Variants in TRIM71 observed in about 807,000 individuals in gnomAD.
TRIM71 encodes the protein tripartite motif containing 71, also known as E3 ubiquitin-protein ligase TRIM71.
TRIM71 carries 9 observed loss-of-function variants against 61.2 expected under a neutral mutation model. That is an observed-to-expected ratio of 0.15 (90% confidence interval 0.09 to 0.26). The LOEUF (loss-of-function observed/expected upper bound fraction) is 0.26, where lower values mean the gene tolerates loss of function less well. Ranked by LOEUF, TRIM71 falls within the 10% of genes least tolerant of loss-of-function variation. The probability of loss-of-function intolerance (pLI) is 1.00; values close to 1 mark genes in which losing one functional copy is unlikely to be tolerated. For synonymous variants in TRIM71, 645 were observed against 553.2 expected, an observed-to-expected ratio of 1.17 and a Z score of -2.33; for missense variants, 998 against 1,238.7, an observed-to-expected ratio of 0.81 and a Z score of 2.92.
chr3:32,884,798 A>G (rs1286923650), intron 2 of TRIM71, among the ~76,000 whole-genome samples: 1 of 152,146 alleles, frequency 6.6e-6, no homozygotes, highest in Non-Finnish European at 1.5e-5. Context: ...CAATGGCTGA[A>G]CTTTTGTCCC....
chr3:32,872,844 A>G (rs1234425260), intron 1 of TRIM71, among the ~76,000 whole-genome samples: 1 of 152,202 alleles, frequency 6.6e-6, no homozygotes, highest in Non-Finnish European at 1.5e-5. Context: ...TGCCTGTTGC[A>G]TGTTAGCTAG....
chr3:32,820,004 C>T (rs1346684481), intron 1 of TRIM71, among the ~76,000 whole-genome samples: 1 of 152,226 alleles, frequency 6.6e-6, no homozygotes, highest in Admixed American at 6.5e-5. Flanking sequence ...ATGCGAGTGT[C>T]GTCTTCTCCC....
rs1290977138 is a variant in TRIM71, at chr3:32,891,527, C to T, written c.2323C>T (p.His775Tyr). 6.2e-7 allele frequency: 1 copy of T among 1,613,266 alleles called. No homozygotes were observed. The highest frequency in any genetic ancestry group is 8.5e-7 in the Non-Finnish European group (1 of 1,179,634). ...DFNNHRLLVI[H>Y]PDCQSARFLG... ...CAACAACCACCGGCTCCTGGTTATT[C>T]ACCCCGACTGCCAGTCGGCACGCTT... The change falls in exon 4 of 4, where the codon CAC becomes TAC. Residue 775 changes from histidine to tyrosine, a missense_variant. His to Tyr is a moderately conservative substitution (Grantham distance 83, BLOSUM62 2). Around this residue, in one of 5 missense-constraint regions of TRIM71, gnomAD observed 95 missense variants for 159.0 expected, o/e 0.60. Transcript: ENST00000383763. This position sits in a 1 kb window ranked among gnomAD's most constrained non-coding sequence, Gnocchi z 8.2.
chr3:32,857,739 C>G (rs1369166103), intron 1 of TRIM71, among the ~76,000 whole-genome samples: 1 of 152,100 alleles, frequency 6.6e-6, no homozygotes, highest in Non-Finnish European at 1.5e-5. Context: ...AGGAGGCCGA[C>G]GCAGGTGGAT....
intron 1 of TRIM71, among the ~76,000 whole-genome samples, chr3:32,865,465 G>T (rs1328799287): frequency 6.6e-6 from 1 of 152,158 alleles, no homozygotes. Flanking sequence ...TGTGTGGGTT[G>T]GGCGGCAGCA....
intron 1 of TRIM71, among the ~76,000 whole-genome samples, chr3:32,832,942 G>A (rs987855137): frequency 6.6e-6 from 1 of 151,966 alleles, no homozygotes; most frequent in Non-Finnish European, 1.5e-5. Flanking sequence ...GGATGCCGAG[G>A]CAGGTGGATC....
chr3:32,891,874 T>TC lies in TRIM71; in HGVS notation c.*63_*64insC. 34 of 1,363,396 alleles carry TC rather than the reference T, an allele frequency of 2.5e-5. No individual in the cohort carries two copies. Among genetic ancestry groups the TC allele is most frequent in the South Asian group, 4.2e-5 (3 of 70,844 alleles). The allele number at this position is 1,363,396 out of a possible 1,614,324, so 84.5% of individuals were successfully genotyped here. A position where few individuals can be genotyped will look rare whatever the true frequency, so the allele number is the denominator to read the frequency against. The stretch of plus-strand genomic sequence containing the variant: ...CGTGTCTCTCTCTCTCTCTCTCTCT[T>TC]TCTCTTTCTCTCTCTTTTTGAATTT... On this transcript the variant is annotated 3_prime_UTR_variant, in exon 4 of 4. Coordinates refer to ENST00000383763, the MANE Select transcript of TRIM71 (RefSeq NM_001039111.3). This position sits in a 1 kb window ranked among gnomAD's most constrained non-coding sequence, Gnocchi z 8.2.
At chr3:32,831,583 G>C (rs1182906390) in intron 1 of TRIM71, among the ~76,000 whole-genome samples, 1 of 142,608 alleles carries the variant, frequency 7.0e-6, no homozygotes, top group Non-Finnish European at 1.5e-5. Context: ...GGGATGCCCA[G>C]GCTGGAGTAC....
At chr3:32,885,135 G>T (rs1696946427) in intron 2 of TRIM71, among the ~76,000 whole-genome samples, 1 of 152,198 alleles carries the variant, frequency 6.6e-6, no homozygotes, top group African/African-American at 2.4e-5. Context: ...CCAGGCTCCA[G>T]TTTGGGCTTC....
At chr3:32,857,746 G>A (rs1183867529) in intron 1 of TRIM71, among the ~76,000 whole-genome samples, 1 of 152,206 alleles carries the variant, frequency 6.6e-6, no homozygotes, top group Non-Finnish European at 1.5e-5. Flanking sequence ...CGACGCAGGT[G>A]GATCACTTGA....
chr3:32,834,754 ATCG>A (rs1426902731), intron 1 of TRIM71, among the ~76,000 whole-genome samples: 1 of 152,068 alleles, frequency 6.6e-6, no homozygotes, highest in East Asian at 1.9e-4. Flanking sequence ...AGGCAGGAGA[ATCG>A]CCTGAACCTG....
In TRIM71 at chr3:32,891,073, C is replaced by T. The variant is rs763025137; in HGVS notation, c.1869C>T (p.Ala623=). ...SVDKEGYIIV[A]DRSNNRIQVF... is the part of the protein sequence containing the mutation. ...ACAAGGAGGGCTACATCATTGTCGCCGACCGCAGCAACAACCGCATCCAGG... is the reference window on the plus strand; with the variant it reads ...ACAAGGAGGGCTACATCATTGTCGCTGACCGCAGCAACAACCGCATCCAGG... The change falls in exon 4 of 4, where the codon GCC becomes GCT. Residue 623 remains alanine (A), a synonymous_variant. Coordinates refer to ENST00000383763, the MANE Select transcript of TRIM71 (RefSeq NM_001039111.3). This position sits in a 1 kb window ranked among gnomAD's most constrained non-coding sequence, Gnocchi z 8.2. 167 of 1,611,826 alleles carry T rather than the reference C, an allele frequency of 1.0e-4. No homozygotes were observed. The highest frequency in any genetic ancestry group is 1.3e-4 in the Non-Finnish European group (149 of 1,179,854).
chr3:32,860,542 T>C (rs1284341251), intron 1 of TRIM71, among the ~76,000 whole-genome samples: 1 of 152,108 alleles, frequency 6.6e-6, no homozygotes, highest in Non-Finnish European at 1.5e-5. Context: ...TCCTCATTGC[T>C]CTACCCAGGA....
chr3:32,819,094 C>T (rs958578640), intron 1 of TRIM71, among the ~76,000 whole-genome samples, 162 bp downstream of exon 1: 4 of 152,180 alleles, frequency 2.6e-5, no homozygotes, highest in African/African-American at 9.7e-5. Context: ...TAGATCATGA[C>T]CTGGGAAGTA....
chr3:32,885,833 G>A lies in TRIM71; in HGVS notation c.1021-101G>A, dbSNP rs57835940. 2.1e-3 allele frequency: 3,123 copies of A among 1,488,694 alleles called. 46 individuals carry two copies. The African/African-American group carries it at 0.038, about 18-fold the overall frequency. 92.2% of individuals were successfully genotyped at this position (1,488,694 alleles called of 1,614,324 possible). On this transcript the variant is annotated intron_variant, in intron 2 of 3. Coordinates refer to ENST00000383763, the MANE Select transcript of TRIM71 (RefSeq NM_001039111.3). ...GTGAATCAAGTGGTCTGGGAACCCA[G>A]GGTGTCAGCTTTTCAAGTCTGACAG...
At position 32,831,080 on chromosome 3, in the gene TRIM71, G is replaced by A. The variant is rs571069659; in HGVS notation, c.852+12148G>A. Among the ~76,000 whole-genome samples the A allele has an allele frequency of 2.0e-5, 3 of 152,276 alleles. No individual in the cohort carries two copies. The South Asian group carries it at 6.2e-4, about 32-fold the overall frequency. On this transcript the variant is annotated intron_variant, in intron 1 of 3. Coordinates refer to ENST00000383763, the MANE Select transcript of TRIM71 (RefSeq NM_001039111.3). ...CCCAAAGTGTTGGGATTACAGGCGT[G>A]AGCCACTGTGCCTGCCTGCAAGTGT...
intron 1 of TRIM71, among the ~76,000 whole-genome samples, chr3:32,855,754 G>C (rs1559543741): frequency 6.6e-6 from 1 of 152,142 alleles, no homozygotes; most frequent in Non-Finnish European, 1.5e-5. Context: ...AGTATAAGCT[G>C]ACATGTGGTT....
intron 2 of TRIM71, among the ~76,000 whole-genome samples, chr3:32,885,107 C>G (rs747799540): frequency 6.6e-6 from 1 of 152,168 alleles, no homozygotes; most frequent in Non-Finnish European, 1.5e-5. Flanking sequence ...ATTGGTCACT[C>G]TGATTCCTAA....
At chr3:32,870,084 A>C (rs970838626) in intron 1 of TRIM71, among the ~76,000 whole-genome samples, 1 of 152,168 alleles carries the variant, frequency 6.6e-6, no homozygotes, top group Non-Finnish European at 1.5e-5. Flanking sequence ...TTCAGAGAGA[A>C]TTACATCCAT....
Sources: gnomAD v4.1 joint callset for allele counts (sites outside exome capture counted in the v4.1 genomes callset) on GRCh38, gnomAD v4.1.1 for gene constraint, gnomAD v4.1.1 regional missense constraint, Gnocchi (gnomAD v3.1) non-coding constraint, MANE v1.5 for transcripts, NCBI Gene and HGNC (gene_info 2026-07-23, HGNC 2026-07-21) for gene names.